SUCLG2: variants seen among roughly 807,000 people sequenced by gnomAD.
SUCLG2 encodes the protein succinate-CoA ligase GDP-forming subunit beta.
A neutral mutation model predicts 47.9 loss-of-function variants in SUCLG2; 42 were observed. The observed-to-expected ratio is 0.88, with a 90% confidence interval of 0.69 to 1.14. The LOEUF (loss-of-function observed/expected upper bound fraction) is 1.14, where lower values mean the gene tolerates loss of function less well. Ranked by LOEUF, SUCLG2 falls within the 50% of genes most tolerant of loss-of-function variation. The pLI, the probability that SUCLG2 is intolerant of heterozygous loss-of-function variation, is 0.00. For synonymous variants in SUCLG2, 195 were observed against 197.3 expected (o/e 0.99, Z 0.10); for missense variants, 571 against 525.9 (o/e 1.09, Z -0.84).
chr3:67,433,972 T>G (rs1008549894), intron 9 of SUCLG2, among the ~76,000 whole-genome samples: 1 of 152,034 alleles, frequency 6.6e-6, no homozygotes, highest in African/African-American at 2.4e-5. Context: ...ACGAGAACTC[T>G]GTCTAATTGA....
intron 10 of SUCLG2, among the ~76,000 whole-genome samples, chr3:67,384,867 T>C (rs1452856829): frequency 2.0e-5 from 3 of 152,178 alleles, no homozygotes; most frequent in African/African-American, 4.8e-5. Flanking sequence ...CCACTGCCAA[T>C]AAAGAGAAGG....
At chr3:67,614,984 T>C (rs1700598543) in intron 1 of SUCLG2, among the ~76,000 whole-genome samples, 2 of 152,164 alleles carry the variant, frequency 1.3e-5, no homozygotes, top group African/African-American at 4.8e-5. Flanking sequence ...TTTGGACTTG[T>C]ACAATATCCT....
intron 2 of SUCLG2, among the ~76,000 whole-genome samples, chr3:67,573,326 G>C (rs1243087278): frequency 6.6e-6 from 1 of 152,138 alleles, no homozygotes; most frequent in Non-Finnish European, 1.5e-5. Context: ...AATGTATACA[G>C]AAATGCAAAA....
At chr3:67,542,548 G>A (rs1575766002) in intron 2 of SUCLG2, among the ~76,000 whole-genome samples, 1 of 152,154 alleles carries the variant, frequency 6.6e-6, no homozygotes, top group Admixed American at 6.5e-5. Context: ...ACTGGATAAA[G>A]AGTCAAGACC....
intron 2 of SUCLG2, among the ~76,000 whole-genome samples, chr3:67,553,871 T>C (rs946145939): frequency 2.0e-5 from 3 of 152,202 alleles, no homozygotes; most frequent in Middle Eastern, 3.2e-3. Flanking sequence ...TTCCGAGTTA[T>C]CTTAAACAGT....
At chr3:67,398,915 G>C (rs993220335) in intron 10 of SUCLG2, among the ~76,000 whole-genome samples, 9 of 149,710 alleles carry the variant, frequency 6.0e-5, no homozygotes, top group African/African-American at 2.2e-4. Context: ...GTAAACTATC[G>C]CAAGGACAAA....
chr3:67,629,766 A>C (rs1575829459), intron 1 of SUCLG2, among the ~76,000 whole-genome samples: 1 of 152,238 alleles, frequency 6.6e-6, no homozygotes, highest in East Asian at 1.9e-4. Context: ...TAGCATAAAA[A>C]CCCAGGTATG....
intron 9 of SUCLG2, among the ~76,000 whole-genome samples, chr3:67,475,230 A>G (rs540193628): frequency 6.6e-6 from 1 of 152,334 alleles, no homozygotes; most frequent in South Asian, 2.1e-4. Flanking sequence ...CAAAACAGAA[A>G]GAATGAAAAC....
chr3:67,519,324 G>T (rs1348793859), intron 5 of SUCLG2, among the ~76,000 whole-genome samples: 1 of 152,116 alleles, frequency 6.6e-6, no homozygotes, highest in Non-Finnish European at 1.5e-5. Flanking sequence ...ACCCTAAGCT[G>T]GAAAAACTGG....
intron 8 of SUCLG2, among the ~76,000 whole-genome samples, chr3:67,496,316 T>C (rs1052109691): frequency 2.0e-5 from 3 of 152,180 alleles, no homozygotes; most frequent in African/African-American, 7.2e-5. Context: ...AAACAAGCTA[T>C]TGGAAGTTGC....
At chr3:67,555,901 T>A (rs1384255272) in intron 2 of SUCLG2, among the ~76,000 whole-genome samples, 1 of 152,136 alleles carries the variant, frequency 6.6e-6, no homozygotes, top group Non-Finnish European at 1.5e-5. Context: ...AAATCTAAGG[T>A]GGAGAAACCT....
intron 2 of SUCLG2, among the ~76,000 whole-genome samples, chr3:67,601,427 T>C (rs1352237296): frequency 6.6e-6 from 1 of 152,212 alleles, no homozygotes; most frequent in Non-Finnish European, 1.5e-5. Flanking sequence ...GTTTAAGATT[T>C]CTTTAAAAGG....
chr3:67,620,325 C>A (rs3927983), intron 1 of SUCLG2, among the ~76,000 whole-genome samples: 67,167 of 149,920 alleles, frequency 0.45, 15,116 homozygotes, highest in African/African-American at 0.51. Context: ...GGCTCACACC[C>A]GTTAACCCCA....
At chr3:67,482,727 C>T (rs1433786043) in intron 9 of SUCLG2, among the ~76,000 whole-genome samples, 1 of 152,136 alleles carries the variant, frequency 6.6e-6, no homozygotes, top group Non-Finnish European at 1.5e-5. Context: ...ACTCTTGGAT[C>T]ATAATGACAC....
At chr3:67,558,396 A>G (rs1041684116) in intron 2 of SUCLG2, among the ~76,000 whole-genome samples, 6 of 151,032 alleles carry the variant, frequency 4.0e-5, no homozygotes, top group African/African-American at 1.5e-4. Flanking sequence ...CAGCCTCGGT[A>G]GCTCTCTAGA....
intron 2 of SUCLG2, among the ~76,000 whole-genome samples, chr3:67,544,082 C>G (rs946518230): frequency 6.6e-6 from 1 of 152,202 alleles, no homozygotes; most frequent in South Asian, 2.1e-4. Context: ...TATGGGAATT[C>G]AAAAAATTTT....
At chr3:67,461,923 A>G (rs559202747) in intron 9 of SUCLG2, among the ~76,000 whole-genome samples, 45 of 152,188 alleles carry the variant, frequency 3.0e-4, no homozygotes, top group African/African-American at 1.1e-3. Context: ...AACAGATGGT[A>G]GAGATCATGC....
intron 1 of SUCLG2, among the ~76,000 whole-genome samples, chr3:67,645,243 C>T (rs1297480610): frequency 6.6e-6 from 1 of 152,060 alleles, no homozygotes; most frequent in East Asian, 1.9e-4. Context: ...GTCATAAAAG[C>T]TATTTTATAC....
At chr3:67,554,850 C>T (rs1453164814) in intron 2 of SUCLG2, among the ~76,000 whole-genome samples, 1 of 152,042 alleles carries the variant, frequency 6.6e-6, no homozygotes, top group Non-Finnish European at 1.5e-5. Flanking sequence ...TCCAGGTAGC[C>T]ATATATTCAG....
Sources: gnomAD v4.1 joint callset for allele counts (sites outside exome capture counted in the v4.1 genomes callset) on GRCh38, gnomAD v4.1.1 for gene constraint, MANE v1.5 for transcripts, NCBI Gene and HGNC (gene_info 2026-07-23, HGNC 2026-07-21) for gene names.